CREB5: variants seen among roughly 807,000 people sequenced by gnomAD.
CREB5 encodes cyclic AMP-responsive element-binding protein 5.
CREB5 carries 19 observed loss-of-function variants against 57.1 expected under a neutral mutation model. The ratio of observed to expected loss-of-function variants is 0.33; its 90% confidence interval spans 0.23 to 0.49. The LOEUF (loss-of-function observed/expected upper bound fraction) is 0.49. Ranked by LOEUF, CREB5 falls within the 20% of genes least tolerant of loss-of-function variation. CREB5 has a pLI of 0.99. For synonymous variants in CREB5, 238 were observed against 238.3 expected (o/e 1.00, Z 0.01); for missense variants, 579 against 671.6 (o/e 0.86, Z 1.52).
At chr7:28,737,277 T>C (rs538813908) in intron 7 of CREB5, among the ~76,000 whole-genome samples, 1 of 151,936 alleles carries the variant, frequency 6.6e-6, no homozygotes, top group East Asian at 1.9e-4. Flanking sequence ...GAATTAAGAA[T>C]AAAATTTTTT....
intron 3 of CREB5, among the ~76,000 whole-genome samples, chr7:28,503,615 T>C (rs78755701): frequency 0.096 from 14,596 of 152,028 alleles, 1,041 homozygotes; most frequent in East Asian, 0.36. Context: ...AACTCTGAGA[T>C]GAGGTCATGA....
upstream of CREB5, among the ~76,000 whole-genome samples, chr7:28,412,074 T>G (rs1422279302): frequency 1.3e-5 from 2 of 152,206 alleles, no homozygotes; most frequent in African/African-American, 4.8e-5. Context: ...CATCAGAGGA[T>G]TAACAGGCTC....
intron 1 of CREB5, among the ~76,000 whole-genome samples, chr7:28,455,474 T>C (rs1326277702): frequency 2.0e-5 from 3 of 152,146 alleles, no homozygotes; most frequent in Non-Finnish European, 4.4e-5. Context: ...TTGAAGAAAA[T>C]AGCGACTAGC....
At chr7:28,711,677 G>GAA (rs1436838077) in intron 5 of CREB5, among the ~76,000 whole-genome samples, 1 of 152,204 alleles carries the variant, frequency 6.6e-6, no homozygotes, top group Non-Finnish European at 1.5e-5. Context: ...GGCTTTTTCT[G>GAA]AAAAATAATG....
At chr7:28,527,424 C>T (rs1793493477) in intron 4 of CREB5, among the ~76,000 whole-genome samples, 1 of 152,192 alleles carries the variant, frequency 6.6e-6, no homozygotes, top group African/African-American at 2.4e-5. Flanking sequence ...TTCTGAAGCC[C>T]TATTCTGGAC....
intron 2 of CREB5, among the ~76,000 whole-genome samples, chr7:28,490,150 A>G (rs1791736216): frequency 6.6e-6 from 1 of 152,222 alleles, no homozygotes; most frequent in Admixed American, 6.5e-5. Flanking sequence ...GTGTCAGGCA[A>G]TCTGATTGCT....
chr7:28,814,312 T>C (rs1009145894), intron 9 of CREB5, among the ~76,000 whole-genome samples: 8 of 152,382 alleles, frequency 5.2e-5, no homozygotes, highest in African/African-American at 1.9e-4. Context: ...TTCATTCTTC[T>C]TTCTCTAGGA....
intron 4 of CREB5, among the ~76,000 whole-genome samples, chr7:28,545,820 G>C (rs55808607): frequency 0.013 from 1,937 of 151,990 alleles, 45 homozygotes; most frequent in African/African-American, 0.044. Flanking sequence ...ATTCATAGCT[G>C]TGTGTGTGTG....
At chr7:28,348,965 T>C (rs1046395832) in intron 1 of CREB5, among the ~76,000 whole-genome samples, 6 of 152,186 alleles carry the variant, frequency 3.9e-5, no homozygotes, top group African/African-American at 1.4e-4. Flanking sequence ...TAAATGATAG[T>C]ATTAGTGCTG....
intron 4 of CREB5, 50 bp downstream of exon 4, chr7:28,507,787 C>T (rs761926508): frequency 3.2e-6 from 5 of 1,553,246 alleles, no homozygotes; most frequent in Non-Finnish European, 4.4e-6. Context: ...TAGAAACTTC[C>T]ACGAGGAAAC....
At chr7:28,637,846 T>TA (rs1338072061) in intron 5 of CREB5, among the ~76,000 whole-genome samples, 1 of 152,226 alleles carries the variant, frequency 6.6e-6, no homozygotes, top group Non-Finnish European at 1.5e-5. Flanking sequence ...TTTTATTTTT[T>TA]ACTGTGTTTT....
At chr7:28,668,297 T>C (rs1466953574) in intron 5 of CREB5, among the ~76,000 whole-genome samples, 3 of 152,194 alleles carry the variant, frequency 2.0e-5, no homozygotes, top group East Asian at 3.8e-4. Flanking sequence ...CATCTTTTAA[T>C]TGAAGGAAAA....
intron 5 of CREB5, among the ~76,000 whole-genome samples, chr7:28,672,031 G>C (rs1244582015): frequency 6.6e-6 from 1 of 151,930 alleles, no homozygotes; most frequent in Non-Finnish European, 1.5e-5. Flanking sequence ...GATTAAAATG[G>C]TAAATTTTGT....
chr7:28,708,106 G>GAGC lies in CREB5; in HGVS notation c.465-10646_465-10644dup, dbSNP rs1391712883. Among the ~76,000 whole-genome samples the GAGC allele has an allele frequency of 1.3e-4, 20 of 152,296 alleles. 1 individual carries two copies. Among genetic ancestry groups the GAGC allele is most frequent in the Admixed American group, 8.5e-4 (13 of 15,308 alleles). On this transcript the variant is annotated intron_variant, in intron 5 of 10. Transcript: ENST00000357727. ...TTTGATCACAGCGGTGATTGAGATA[G>GAGC]AGCCTGAAGCTCTCTGTTAGGATAT...
intron 1 of CREB5, among the ~76,000 whole-genome samples, chr7:28,338,984 C>T (rs766761569): frequency 6.6e-6 from 1 of 151,980 alleles, no homozygotes; most frequent in Admixed American, 6.6e-5. Context: ...ATTTCATTCT[C>T]TTTGTTAAAT....
intron 7 of CREB5, among the ~76,000 whole-genome samples, chr7:28,763,606 A>G (rs996604981): frequency 1.3e-5 from 2 of 152,126 alleles, no homozygotes; most frequent in Admixed American, 6.5e-5. Flanking sequence ...GCCACTTTAT[A>G]GCACAGACCT....
intron 5 of CREB5, among the ~76,000 whole-genome samples, chr7:28,646,819 A>G (rs564821939): frequency 1.3e-5 from 2 of 152,274 alleles, no homozygotes; most frequent in Non-Finnish European, 2.9e-5. Flanking sequence ...GGCTGCCACC[A>G]TTATTTATTT....
intron 1 of CREB5, among the ~76,000 whole-genome samples, chr7:28,476,420 C>T (rs1447882564): frequency 6.6e-6 from 1 of 152,226 alleles, no homozygotes; most frequent in Non-Finnish European, 1.5e-5. Flanking sequence ...ACCAACATTT[C>T]ACAGCACTTT....
chr7:28,820,820 G>A lies in CREB5; in HGVS notation c.*1541G>A, dbSNP rs1809724778. The A allele has an allele frequency of 6.6e-6, 1 of 152,050 alleles. No homozygotes were observed. Among genetic ancestry groups the A allele is most frequent in the South Asian group, 2.1e-4 (1 of 4,806 alleles). The allele number at this position is 152,050 out of a possible 1,614,324, so 9.4% of individuals were successfully genotyped here. On this transcript the variant is annotated 3_prime_UTR_variant, in exon 11 of 11. Transcript: ENST00000357727. ...TAAAAGATGAGGTCTGTCTTATGTTGCCCAGGCTGGTCTCAAACTATCCTA... is the reference window on the plus strand; with the variant it reads ...TAAAAGATGAGGTCTGTCTTATGTTACCCAGGCTGGTCTCAAACTATCCTA...
Sources: gnomAD v4.1 joint callset for allele counts (sites outside exome capture counted in the v4.1 genomes callset) on GRCh38, gnomAD v4.1.1 for gene constraint, MANE v1.5 for transcripts, NCBI Gene and HGNC (gene_info 2026-07-23, HGNC 2026-07-21) for gene names.